The following FNTB variants were observed in gnomAD, a reference collection of about 807,000 sequenced individuals.
FNTB encodes the protein protein farnesyltransferase subunit beta.
Under a neutral mutation model 59.4 loss-of-function variants are expected in FNTB, and 27 were observed. The ratio of observed to expected loss-of-function variants is 0.45; its 90% CI spans 0.34 to 0.63. The LOEUF (loss-of-function observed/expected upper bound fraction) is 0.63. FNTB is among the 20% of genes least tolerant of loss of function. FNTB has a pLI of 0.02. For missense variants in FNTB, 449 were observed against 559.6 expected (o/e 0.80, Z 1.99); for synonymous variants, 230 against 220.7 (o/e 1.04, Z -0.37).
chr14:65,040,115 A>G (rs1475972853), intron 7 of FNTB, among the ~76,000 whole-genome samples: 2 of 152,160 alleles, frequency 1.3e-5, no homozygotes, highest in African/African-American at 4.8e-5. Flanking sequence ...GCCTGAGTCC[A>G]GGAGGTTGAG....
At position 64,986,982 on chromosome 14, in the gene FNTB, A is replaced by T. The variant is rs775983734; in HGVS notation, c.29A>T (p.Tyr10Phe). MASPSSFTY[Y>F]CPPSSSPVWS... ...GCTTCTCCGAGTTCTTTCACCTACTATTGCCCTCCATCTTCCTCCCCCGTC... is the reference window on the plus strand; with the variant it reads ...GCTTCTCCGAGTTCTTTCACCTACTTTTGCCCTCCATCTTCCTCCCCCGTC... Residue 10 changes from tyrosine (Y) to phenylalanine (F), a missense_variant, in exon 1 of 12, where the codon TAT becomes TTT. Tyr to Phe is a conservative substitution (Grantham distance 22). This residue lies in a region of FNTB where 112 missense variants were observed against 80.5 expected (regional missense o/e 1.39). Transcript: ENST00000246166. 6.2e-7 allele frequency: 1 copy of T among 1,613,934 alleles called. No individual in the cohort carries two copies. Among genetic ancestry groups the T allele is most frequent in the South Asian group, 1.1e-5 (1 of 91,070 alleles).
chr14:65,044,541 A>T lies in FNTB; in HGVS notation c.955+98A>T. The T allele has an allele frequency of 6.6e-7, 1 of 1,508,784 alleles. No homozygotes were observed. 93.5% of individuals were successfully genotyped at this position (1,508,784 alleles called of 1,614,324 possible). ...GTGCTTTTTTAGAGGGGTTGAAATG[A>T]GCTCTGTCTATCCTGGATTTTGAGT... On this transcript the variant is annotated intron_variant, in intron 9 of 11. Coordinates refer to ENST00000246166, the MANE Select transcript of FNTB (RefSeq NM_002028.4). This position sits in a 1 kb window ranked among gnomAD's most constrained non-coding sequence, Gnocchi z 5.5.
chr14:65,036,026 T>A (rs977996384), intron 7 of FNTB, among the ~76,000 whole-genome samples: 14 of 151,942 alleles, frequency 9.2e-5, no homozygotes, highest in Non-Finnish European at 4.4e-5. Context: ...AAAGACAGAG[T>A]CTCACTGTGT....
At chr14:65,036,708 G>C (rs1052551740) in intron 7 of FNTB, among the ~76,000 whole-genome samples, 2 of 150,278 alleles carry the variant, frequency 1.3e-5, no homozygotes, top group African/African-American at 4.9e-5. Flanking sequence ...TATTCTTTTT[G>C]TGTGTGATGG....
intron 1 of FNTB, among the ~76,000 whole-genome samples, chr14:64,996,430 A>C (rs1236573796): frequency 6.6e-6 from 1 of 152,228 alleles, no homozygotes; most frequent in Non-Finnish European, 1.5e-5. Flanking sequence ...CAGTTGCCTC[A>C]TGATTAGAGA....
rs1888305333 is a variant in FNTB, at chr14:64,994,052, A to C, written c.144+6955A>C. Among the ~76,000 whole-genome samples the C allele has an allele frequency of 6.6e-6, 1 of 151,982 alleles. No individual in the cohort carries two copies. The highest frequency in any genetic ancestry group is 2.4e-5 in the African/African-American group (1 of 41,354). ...TGTATTTTAGTAGAGGTGGGGTTTTACCATGTTGACCAGGCTGGTCTCAAA... is the reference window on the plus strand; with the variant it reads ...TGTATTTTAGTAGAGGTGGGGTTTTCCCATGTTGACCAGGCTGGTCTCAAA... On this transcript the variant is annotated intron_variant, in intron 1 of 11. Coordinates refer to ENST00000246166, the MANE Select transcript of FNTB (RefSeq NM_002028.4). The surrounding 1 kb of genome is among the most constrained non-coding windows in gnomAD (Gnocchi z 4.2).
intron 2 of FNTB, among the ~76,000 whole-genome samples, chr14:65,004,959 G>A (rs771925433): frequency 7.2e-5 from 11 of 152,286 alleles, no homozygotes; most frequent in Non-Finnish European, 8.8e-5. Flanking sequence ...CACTGTGCCC[G>A]GCCCAGATTT....
intron 7 of FNTB, among the ~76,000 whole-genome samples, chr14:65,034,245 A>G (rs969477554): frequency 6.6e-6 from 1 of 152,178 alleles, no homozygotes; most frequent in African/African-American, 2.4e-5. Flanking sequence ...AGCTTGCTAC[A>G]CAGCAGGCAT....
chr14:65,060,870 C>T (rs1364674800), intron 11 of FNTB, among the ~76,000 whole-genome samples: 1 of 79,576 alleles, frequency 1.3e-5, no homozygotes, highest in East Asian at 3.2e-4. Flanking sequence ...AAGACTCTCT[C>T]AAAAAAAAAA....
chr14:65,008,224 A>G (rs898067656), intron 2 of FNTB, among the ~76,000 whole-genome samples: 37 of 152,226 alleles, frequency 2.4e-4, no homozygotes, highest in African/African-American at 8.9e-4. Flanking sequence ...GGAACCAGCA[A>G]TGGACTGAAT....
chr14:64,997,879 G>A lies in FNTB; in HGVS notation c.145-6370G>A, dbSNP rs1339336107. 6.6e-6 allele frequency among the ~76,000 whole-genome samples: 1 copy of A among 152,114 alleles called. No individual in the cohort carries two copies. Among genetic ancestry groups the A allele is most frequent in the Non-Finnish European group, 1.5e-5 (1 of 68,022 alleles). ...AGATGTAATTTTCCCTTACAAATGA[G>A]GTAACTTCTACTCTGTTTTCAGAGC... On this transcript the variant is annotated intron_variant, in intron 1 of 11. Transcript: ENST00000246166. The surrounding 1 kb of genome is among the most constrained non-coding windows in gnomAD (Gnocchi z 4.5).
chr14:65,006,212 G>C (rs2139486808), intron 2 of FNTB: 4 of 1,601,406 alleles, frequency 2.5e-6, no homozygotes, highest in Non-Finnish European at 3.4e-6. Flanking sequence ...GATTAGCCAT[G>C]GCAGAAAACA....
rs1186003024 is a variant in FNTB at position 64,997,193 on chromosome 14, C to G, written c.145-7056C>G. Among the ~76,000 whole-genome samples the G allele has an allele frequency of 6.6e-6, 1 of 152,184 alleles. No homozygotes were observed. Among genetic ancestry groups the G allele is most frequent in the Non-Finnish European group, 1.5e-5 (1 of 68,036 alleles). The stretch of plus-strand genomic sequence containing the variant: ...TAACCAGCGATTATTCCGGAGGTCA[C>G]AAGATTTAGAGCTTTCTCAATTACT... On this transcript the variant is annotated intron_variant, in intron 1 of 11. Coordinates refer to ENST00000246166, the MANE Select transcript of FNTB (RefSeq NM_002028.4). The surrounding 1 kb of genome is among the most constrained non-coding windows in gnomAD (Gnocchi z 4.5).
chr14:64,987,290 G>C, intron 1 of FNTB, 193 bp downstream of exon 1: 2 of 635,326 alleles, frequency 3.1e-6, no homozygotes, highest in Non-Finnish European at 5.4e-6. Context: ...GGCCAGCTTG[G>C]GGAAGGGTCG....
chr14:65,007,781 A>G lies in FNTB; in HGVS notation c.209+3468A>G, dbSNP rs1294846229. On this transcript the variant is annotated intron_variant, in intron 2 of 11. Transcript: ENST00000246166. The surrounding 1 kb of genome is among the most constrained non-coding windows in gnomAD (Gnocchi z 4.9). ...TTGCATTTATCACCTTGGCTTTAAT[A>G]AGAAACCTGAAATGCATAAACTACA... Among the ~76,000 whole-genome samples, 1 of 152,186 alleles carries G rather than the reference A, an allele frequency of 6.6e-6. No individual in the cohort carries two copies. Among genetic ancestry groups the G allele is most frequent in the Non-Finnish European group, 1.5e-5 (1 of 68,036 alleles).
intron 2 of FNTB, among the ~76,000 whole-genome samples, chr14:65,008,738 G>A (rs2061636090): frequency 2.0e-5 from 3 of 152,232 alleles, no homozygotes; most frequent in Admixed American, 1.3e-4. Context: ...GCTCAGGGGC[G>A]GAGATGAGGT....
intron 4 of FNTB, 99 bp downstream of exon 4, chr14:65,015,815 AAC>A (rs1414575362): frequency 7.3e-7 from 1 of 1,373,718 alleles, no homozygotes; most frequent in African/African-American, 1.4e-5. Flanking sequence ...AATGGAAAAA[AAC>A]AGTGCCACAA....
At chr14:65,021,641 A>C (rs921139980) in intron 4 of FNTB, among the ~76,000 whole-genome samples, 1 of 152,092 alleles carries the variant, frequency 6.6e-6, no homozygotes, top group Non-Finnish European at 1.5e-5. Context: ...ACTCTGCTCT[A>C]AAGTAGCCAA....
At chr14:65,016,114 G>A (rs1336735484) in intron 4 of FNTB, among the ~76,000 whole-genome samples, 1 of 152,160 alleles carries the variant, frequency 6.6e-6, no homozygotes, top group South Asian at 2.1e-4. Flanking sequence ...CCTTTCCTAC[G>A]CACCTCTATA....
Sources: gnomAD v4.1 joint callset for allele counts (sites outside exome capture counted in the v4.1 genomes callset) on GRCh38, gnomAD v4.1.1 for gene constraint, gnomAD v4.1.1 regional missense constraint, Gnocchi (gnomAD v3.1) non-coding constraint, MANE v1.5 for transcripts, NCBI Gene and HGNC (gene_info 2026-07-23, HGNC 2026-07-21) for gene names.